Variants in NCAM2 observed in about 807,000 individuals in gnomAD.
NCAM2 encodes the protein N-CAM-2.
A neutral mutation model predicts 98.1 loss-of-function variants in NCAM2; 30 were observed. The observed-to-expected ratio is 0.31, with a 90% CI of 0.23 to 0.41. The LOEUF is 0.41. Ranked by LOEUF, NCAM2 falls within the 10% of genes least tolerant of loss-of-function variation. NCAM2 has a pLI of 1.00. For synonymous variants in NCAM2, 368 were observed against 342.4 expected, an observed-to-expected ratio of 1.07 and a Z score of -0.83; for missense variants, 867 against 1,005.8, an observed-to-expected ratio of 0.86 and a Z score of 1.87.
chr21:21,048,622 G>C (rs1446348196), intron 1 of NCAM2, among the ~76,000 whole-genome samples: 1 of 151,770 alleles, frequency 6.6e-6, no homozygotes, highest in Non-Finnish European at 1.5e-5. Flanking sequence ...CAAAGTGCTG[G>C]GATTACAGGC....
At chr21:21,088,858 G>A (rs2065955921) in intron 1 of NCAM2, among the ~76,000 whole-genome samples, 1 of 152,020 alleles carries the variant, frequency 6.6e-6, no homozygotes, top group Non-Finnish European at 1.5e-5. Flanking sequence ...TGTAGTCCCA[G>A]CTACTCGGGA....
intron 8 of NCAM2, among the ~76,000 whole-genome samples, chr21:21,363,061 A>G (rs553311917): frequency 2.6e-5 from 4 of 152,294 alleles, no homozygotes; most frequent in African/African-American, 9.6e-5. Context: ...TTTTAGTAGC[A>G]TATTCATTGA....
At chr21:21,303,198 G>C (rs2073776676) in intron 5 of NCAM2, among the ~76,000 whole-genome samples, 1 of 147,706 alleles carries the variant, frequency 6.8e-6, no homozygotes, top group African/African-American at 2.5e-5. Context: ...ACCTGCACAT[G>C]TACCCCTGTA....
intron 10 of NCAM2, 63 bp from the exon 11 acceptor site, chr21:21,418,410 G>A (rs2077037631): frequency 1.7e-6 from 2 of 1,172,524 alleles, no homozygotes; most frequent in East Asian, 2.3e-5. Flanking sequence ...GTCATACTGG[G>A]GTTTATTATA....
chr21:21,031,054 A>C (rs1326614025), intron 1 of NCAM2, among the ~76,000 whole-genome samples: 1 of 152,162 alleles, frequency 6.6e-6, no homozygotes, highest in Non-Finnish European at 1.5e-5. Context: ...GAAATACTTG[A>C]ACTGCATAGT....
intron 1 of NCAM2, among the ~76,000 whole-genome samples, chr21:21,236,226 G>T (rs1282831723): frequency 6.6e-6 from 1 of 151,916 alleles, no homozygotes; most frequent in Non-Finnish European, 1.5e-5. Flanking sequence ...TCTGTCTTTT[G>T]ACATTGATCA....
intron 1 of NCAM2, among the ~76,000 whole-genome samples, chr21:21,000,208 C>A (rs2063993446): frequency 6.6e-6 from 1 of 152,094 alleles, no homozygotes; most frequent in African/African-American, 2.4e-5. Context: ...TCATTTATAG[C>A]ATAGACAGGT....
rs1327092198 is a variant in NCAM2 at position 21,541,346 on chromosome 21, A to G, written c.*3389A>G. ...TATTTACAGTCAGTAATTAAGTTCA[A>G]TTCAAACTATTTTACCTTGAATATA... On this transcript the variant is annotated 3_prime_UTR_variant, in exon 18 of 18. Coordinates refer to ENST00000400546, the MANE Select transcript of NCAM2 (RefSeq NM_004540.5). The G allele has an allele frequency of 2.0e-5, 3 of 151,716 alleles. No individual in the cohort carries two copies. The highest frequency in any genetic ancestry group is 4.4e-5 in the Non-Finnish European group (3 of 67,740). The allele number at this position is 151,716 out of a possible 1,614,324, so 9.4% of individuals were successfully genotyped here. A position where few individuals can be genotyped will look rare whatever the true frequency, so the allele number is the denominator to read the frequency against.
chr21:21,155,077 T>C (rs1232358659), intron 1 of NCAM2, among the ~76,000 whole-genome samples: 1 of 151,632 alleles, frequency 6.6e-6, no homozygotes, highest in Non-Finnish European at 1.5e-5. Flanking sequence ...CAAGATTTTG[T>C]ACTTGGCTGA....
At chr21:21,214,746 T>TATACACAC (rs11268201) in intron 1 of NCAM2, among the ~76,000 whole-genome samples, 97 of 100,604 alleles carry the variant, frequency 9.6e-4, no homozygotes, top group Middle Eastern at 7.4e-3. Context: ...TATATATATA[T>TATACACAC]ACACTATATA....
In NCAM2 at chr21:21,232,117, C is replaced by T. The variant is rs373370528; in HGVS notation, c.56-48461C>T. Among the ~76,000 whole-genome samples, 74 of 151,554 alleles carry T rather than the reference C, an allele frequency of 4.9e-4. 1 individual carries two copies. In the South Asian group the frequency reaches 0.014, roughly 29 times the overall value. ...GCAGGAAGGGTGAACTCTGATGATA[C>T]TTGACTCATAGAGAGGATCAGAAGG... is the stretch of plus-strand genomic sequence containing the variant. On this transcript the variant is annotated intron_variant, in intron 1 of 17. Transcript: ENST00000400546.
rs114955911 is a variant in NCAM2 at position 21,220,466 on chromosome 21, A to G, written c.56-60112A>G. 1.7e-3 allele frequency among the ~76,000 whole-genome samples: 252 copies of G among 152,308 alleles called. 2 individuals are homozygous for G. Among genetic ancestry groups the G allele is most frequent in the African/African-American group, 5.7e-3 (239 of 41,582 alleles). On this transcript the variant is annotated intron_variant, in intron 1 of 17. Coordinates refer to ENST00000400546, the MANE Select transcript of NCAM2 (RefSeq NM_004540.5). Reference sequence around the variant, plus strand: ...GCTATACCACACAGCCTAGGTTTGTAGTACACTATAGTGTCTAGGTCTGTG... The same window carrying G: ...GCTATACCACACAGCCTAGGTTTGTGGTACACTATAGTGTCTAGGTCTGTG...
intron 1 of NCAM2, among the ~76,000 whole-genome samples, chr21:21,024,429 A>G (rs1028732243): frequency 6.6e-6 from 1 of 152,262 alleles, no homozygotes; most frequent in African/African-American, 2.4e-5. Context: ...TTTATAAAAC[A>G]TGCAAACTAT....
At chr21:21,137,864 T>G (rs1429078339) in intron 1 of NCAM2, among the ~76,000 whole-genome samples, 3 of 151,816 alleles carry the variant, frequency 2.0e-5, no homozygotes, top group Non-Finnish European at 2.9e-5. Context: ...TGTGTTGTGA[T>G]TCTTCTTTGT....
In NCAM2 at chr21:21,516,705, C is replaced by T. The variant is rs569523769; in HGVS notation, c.2282+7650C>T. The stretch of plus-strand genomic sequence containing the variant: ...AACTTCCTCCCTCACTGCTTAATCT[C>T]TTCTATTTTTGGCTTATGCTTCACT... On this transcript the variant is annotated intron_variant, in intron 16 of 17. Coordinates refer to ENST00000400546, the MANE Select transcript of NCAM2 (RefSeq NM_004540.5). Among the ~76,000 whole-genome samples, 9 of 152,026 alleles carry T rather than the reference C, an allele frequency of 5.9e-5. No homozygotes were observed. In the East Asian group the frequency reaches 1.7e-3, roughly 29 times the overall value.
chr21:21,427,634 T>C (rs1375915191), intron 11 of NCAM2, among the ~76,000 whole-genome samples: 1 of 152,164 alleles, frequency 6.6e-6, no homozygotes, highest in East Asian at 1.9e-4. Flanking sequence ...GTTTCAGTTA[T>C]GCAAGATGAA....
At chr21:21,370,159 C>T (rs558466344) in intron 8 of NCAM2, among the ~76,000 whole-genome samples, 24 of 151,860 alleles carry the variant, frequency 1.6e-4, no homozygotes, top group African/African-American at 4.6e-4. Flanking sequence ...TAAATACCTA[C>T]GAGAAACTCT....
intron 12 of NCAM2, among the ~76,000 whole-genome samples, chr21:21,462,131 G>A (rs1250171428): frequency 2.0e-5 from 3 of 151,992 alleles, no homozygotes; most frequent in African/African-American, 7.2e-5. Flanking sequence ...TTAACACCAA[G>A]TGTTATTTTG....
chr21:21,080,900 G>A (rs1226684304), intron 1 of NCAM2, among the ~76,000 whole-genome samples: 1 of 152,054 alleles, frequency 6.6e-6, no homozygotes, highest in African/African-American at 2.4e-5. Flanking sequence ...AAGTTTTAGA[G>A]CAGGAATGAA....
Sources: gnomAD v4.1 joint callset for allele counts (sites outside exome capture counted in the v4.1 genomes callset) on GRCh38, gnomAD v4.1.1 for gene constraint, MANE v1.5 for transcripts, NCBI Gene and HGNC (gene_info 2026-07-23, HGNC 2026-07-21) for gene names.